The following NRG1 variants were observed in gnomAD, a reference collection of about 807,000 sequenced individuals.
NRG1 encodes neuregulin 1.
NRG1 carries 18 observed loss-of-function variants against 63.8 expected under a neutral mutation model. That is an observed-to-expected ratio of 0.28 (90% CI 0.19 to 0.42). The LOEUF is 0.42. NRG1 is among the 10% of genes least tolerant of loss of function. NRG1 has a pLI of 1.00. For synonymous variants in NRG1, 302 were observed against 301.3 expected (o/e 1.00, Z -0.02); for missense variants, 762 against 814.7 (o/e 0.94, Z 0.79).
intron 5 of NRG1, among the ~76,000 whole-genome samples, chr8:32,658,240 T>G (rs1192554798): frequency 1.3e-5 from 2 of 152,240 alleles, no homozygotes; most frequent in Admixed American, 1.3e-4. Context: ...CAAAATTCAT[T>G]CTTCAAGATT....
At chr8:31,639,625 C>A (rs1803534659) in intron 1 of NRG1, 1 of 1,411,710 alleles carries the variant, frequency 7.1e-7, no homozygotes, top group East Asian at 2.8e-5. Flanking sequence ...ACCTCCACGT[C>A]CTCCTCCGGT....
intron 1 of NRG1, among the ~76,000 whole-genome samples, chr8:32,035,718 G>A (rs1391663852): frequency 6.6e-6 from 1 of 151,906 alleles, no homozygotes; most frequent in African/African-American, 2.4e-5. Context: ...TTTGATCTTT[G>A]TTGGTTTAAA....
intron 1 of NRG1, among the ~76,000 whole-genome samples, chr8:32,492,287 AG>A (rs1826682631): frequency 6.6e-6 from 1 of 152,126 alleles, no homozygotes; most frequent in Non-Finnish European, 1.5e-5. Flanking sequence ...CTGGATTAGG[AG>A]GTTGAGTTCT....
intron 1 of NRG1, among the ~76,000 whole-genome samples, chr8:32,426,202 GA>G (rs1316026904): frequency 6.6e-6 from 1 of 152,144 alleles, no homozygotes; most frequent in Non-Finnish European, 1.5e-5. Flanking sequence ...CATGACTTAG[GA>G]AATCATGACT....
chr8:32,660,144 C>T (rs1237818544), intron 5 of NRG1, among the ~76,000 whole-genome samples: 1 of 152,092 alleles, frequency 6.6e-6, no homozygotes, highest in Admixed American at 6.5e-5. Context: ...TCCAAAAATC[C>T]AAAACTTTTT....
intron 5 of NRG1, among the ~76,000 whole-genome samples, chr8:32,706,992 C>G (rs760755881): frequency 6.6e-6 from 1 of 151,558 alleles, no homozygotes; most frequent in Non-Finnish European, 1.5e-5. Flanking sequence ...TATTATAAAG[C>G]CAGTTTATTT....
chr8:31,720,452 G>A (rs1812800383), intron 1 of NRG1, among the ~76,000 whole-genome samples: 2 of 152,116 alleles, frequency 1.3e-5, no homozygotes, highest in Non-Finnish European at 2.9e-5. Flanking sequence ...GCATCCATTA[G>A]CTATTCTTCC....
chr8:32,435,167 G>C (rs1050549645), intron 1 of NRG1, among the ~76,000 whole-genome samples: 1 of 152,146 alleles, frequency 6.6e-6, no homozygotes, highest in Non-Finnish European at 1.5e-5. Context: ...TTCCATAAAT[G>C]CCTTTTAAAT....
intron 1 of NRG1, among the ~76,000 whole-genome samples, chr8:32,536,922 C>CAAAAAAAAAA (rs35265022): frequency 5.6e-5 from 2 of 35,912 alleles, no homozygotes; most frequent in African/African-American, 2.9e-4. Context: ...GACTCCGTCT[C>CAAAAAAAAAA]AAAAAAAAAA....
intron 1 of NRG1, among the ~76,000 whole-genome samples, chr8:32,435,594 G>A (rs2129487064): frequency 6.6e-6 from 1 of 152,246 alleles, no homozygotes; most frequent in Non-Finnish European, 1.5e-5. Flanking sequence ...TAGCTGCATA[G>A]GTAGTTCTAT....
intron 1 of NRG1, among the ~76,000 whole-genome samples, chr8:32,386,759 ACTTTCT>A (rs1487375306): frequency 2.0e-5 from 3 of 152,210 alleles, no homozygotes; most frequent in African/African-American, 4.8e-5. Flanking sequence ...CCAATTTTGT[ACTTTCT>A]CTTTCTGTCT....
chr8:31,768,610 A>C (rs1487212089), intron 1 of NRG1, among the ~76,000 whole-genome samples: 1 of 152,188 alleles, frequency 6.6e-6, no homozygotes, highest in African/African-American at 2.4e-5. Context: ...GAAAAATCAG[A>C]TCCAACACAT....
chr8:32,731,390 G>C (rs376428218), intron 6 of NRG1, among the ~76,000 whole-genome samples: 13 of 149,624 alleles, frequency 8.7e-5, no homozygotes, highest in African/African-American at 2.7e-4. Context: ...TTGCCTTCTA[G>C]TTCTAAGAAA....
chr8:32,036,732 T>C (rs758410177), intron 1 of NRG1, among the ~76,000 whole-genome samples: 36 of 152,222 alleles, frequency 2.4e-4, no homozygotes, highest in Non-Finnish European at 4.7e-4. Flanking sequence ...CAGTTATTGA[T>C]ACTCGTGGTT....
intron 1 of NRG1, among the ~76,000 whole-genome samples, chr8:32,403,876 C>A (rs1813573176): frequency 6.6e-6 from 1 of 152,142 alleles, no homozygotes; most frequent in African/African-American, 2.4e-5. Flanking sequence ...ACAGTAAATT[C>A]TCCCTTCTCT....
At chr8:31,842,488 A>G (rs900794688) in intron 1 of NRG1, among the ~76,000 whole-genome samples, 5 of 152,216 alleles carry the variant, frequency 3.3e-5, no homozygotes, top group African/African-American at 1.2e-4. Flanking sequence ...TAGCTGTGGG[A>G]AGTTTGGATC....
At chr8:31,968,742 T>G (rs1806791991) in intron 1 of NRG1, among the ~76,000 whole-genome samples, 1 of 152,128 alleles carries the variant, frequency 6.6e-6, no homozygotes, top group African/African-American at 2.4e-5. Context: ...TTTTTCTATC[T>G]GTATAGCAGC....
intron 1 of NRG1, among the ~76,000 whole-genome samples, chr8:32,282,565 G>A (rs1333483311): frequency 6.6e-6 from 1 of 152,192 alleles, no homozygotes; most frequent in Non-Finnish European, 1.5e-5. Flanking sequence ...AGGAGGGTAT[G>A]TGCCCCATTC....
intron 1 of NRG1, among the ~76,000 whole-genome samples, chr8:32,209,084 T>A (rs1844386568): frequency 6.6e-6 from 1 of 152,096 alleles, no homozygotes; most frequent in Non-Finnish European, 1.5e-5. Flanking sequence ...TAACTTAACA[T>A]CTCTGCTCTT....
Sources: gnomAD v4.1 joint callset for allele counts (sites outside exome capture counted in the v4.1 genomes callset) on GRCh38, gnomAD v4.1.1 for gene constraint, MANE v1.5 for transcripts, NCBI Gene and HGNC (gene_info 2026-07-23, HGNC 2026-07-21) for gene names.